KDM4C: variants seen among roughly 807,000 people sequenced by gnomAD.
KDM4C encodes the protein lysine demethylase 4C, also known as lysine-specific demethylase 4C.
In KDM4C, 81 loss-of-function variants were observed where a neutral mutation model predicts 129.3. The observed-to-expected ratio is 0.63, with a 90% CI of 0.52 to 0.75. The LOEUF (loss-of-function observed/expected upper bound fraction) is 0.75, where lower values mean the gene tolerates loss of function less well. Ranked by LOEUF, KDM4C falls within the 30% of genes least tolerant of loss-of-function variation. The pLI is 0.00. For missense variants in KDM4C, 1,457 were observed against 1,304.0 expected, an observed-to-expected ratio of 1.12 and a Z score of -1.81; for synonymous variants, 573 against 456.1, an observed-to-expected ratio of 1.26 and a Z score of -3.26.
chr9:7,048,975 G>T, intron 16 of KDM4C, 117 bp from the exon 17 acceptor site: 10 of 603,840 alleles, frequency 1.7e-5, no homozygotes, highest in Admixed American at 2.6e-5. Context: ...GATGGATTTA[G>T]GCTTTTGGCT....
chr9:6,989,388 CT>C (rs749090237), intron 11 of KDM4C, among the ~76,000 whole-genome samples: 3 of 152,132 alleles, frequency 2.0e-5, no homozygotes, highest in African/African-American at 2.4e-5. Context: ...TCCCTTCCCC[CT>C]GCCTTTAAAA....
chr9:6,863,534 C>A (rs981053794), intron 5 of KDM4C, among the ~76,000 whole-genome samples: 1 of 152,024 alleles, frequency 6.6e-6, no homozygotes, highest in Non-Finnish European at 1.5e-5. Context: ...CCATGGCTCA[C>A]GGCTGTAATC....
At chr9:6,785,453 C>T (rs1377355142) in intron 1 of KDM4C, among the ~76,000 whole-genome samples, 2 of 152,100 alleles carry the variant, frequency 1.3e-5, no homozygotes, top group African/African-American at 4.8e-5. Flanking sequence ...TCTTCTGCCT[C>T]AGCCTCCCCA....
chr9:7,153,387 G>T (rs1020879778), intron 19 of KDM4C, among the ~76,000 whole-genome samples: 3 of 152,148 alleles, frequency 2.0e-5, no homozygotes, highest in African/African-American at 4.8e-5. Flanking sequence ...CCATTCCTCC[G>T]GTGCTTGGTG....
chr9:7,146,835 C>T (rs1377234499), intron 19 of KDM4C, among the ~76,000 whole-genome samples: 3 of 152,188 alleles, frequency 2.0e-5, no homozygotes, highest in Admixed American at 1.3e-4. Context: ...ATGAGGATAA[C>T]AAACACGATT....
At chr9:6,867,670 A>G (rs1480876146) in intron 5 of KDM4C, among the ~76,000 whole-genome samples, 2 of 152,062 alleles carry the variant, frequency 1.3e-5, no homozygotes, top group East Asian at 1.9e-4. Context: ...GTAATTTATG[A>G]TTTTATATGT....
At chr9:6,961,845 T>C (rs1394662902) in intron 8 of KDM4C, among the ~76,000 whole-genome samples, 1 of 152,224 alleles carries the variant, frequency 6.6e-6, no homozygotes, top group East Asian at 1.9e-4. Flanking sequence ...TGCCATCATT[T>C]TAAAGCTTTT....
chr9:7,134,456 A>G (rs1840979413), intron 19 of KDM4C, among the ~76,000 whole-genome samples: 1 of 152,332 alleles, frequency 6.6e-6, no homozygotes, highest in Middle Eastern at 3.4e-3. Context: ...CGTTATGTTT[A>G]TGTAGCCAAA....
chr9:7,145,338 CT>C, intron 19 of KDM4C, among the ~76,000 whole-genome samples: 1 of 152,188 alleles, frequency 6.6e-6, no homozygotes, highest in Non-Finnish European at 1.5e-5. Context: ...CTTGCCCATA[CT>C]TCTAATGAGA....
At chr9:6,727,997 G>A (rs560984953) in intron 1 of KDM4C, among the ~76,000 whole-genome samples, 2 of 133,472 alleles carry the variant, frequency 1.5e-5, no homozygotes, top group African/African-American at 2.9e-5. Context: ...CAATAAGACC[G>A]TTTAAGTGTG....
At chr9:6,995,343 A>T (rs1214726167) in intron 12 of KDM4C, among the ~76,000 whole-genome samples, 1 of 151,922 alleles carries the variant, frequency 6.6e-6, no homozygotes, top group Non-Finnish European at 1.5e-5. Context: ...ACACAGACAC[A>T]CAGGCACAGA....
intron 15 of KDM4C, among the ~76,000 whole-genome samples, chr9:7,029,104 T>C (rs1826297131): frequency 6.6e-6 from 1 of 152,244 alleles, no homozygotes; most frequent in Non-Finnish European, 1.5e-5. Flanking sequence ...TGGAGCCTTC[T>C]ATTTGGCCAT....
intron 19 of KDM4C, among the ~76,000 whole-genome samples, chr9:7,153,003 G>A (rs1330822507): frequency 6.6e-6 from 1 of 152,198 alleles, no homozygotes; most frequent in African/African-American, 2.4e-5. Flanking sequence ...ACTTGTGATA[G>A]AAATATGAGG....
intron 5 of KDM4C, among the ~76,000 whole-genome samples, chr9:6,862,601 G>A (rs1273886112): frequency 3.9e-5 from 6 of 152,028 alleles, no homozygotes; most frequent in Non-Finnish European, 8.8e-5. Context: ...TCAGGAGTTC[G>A]AGACCAGCCT....
At chr9:6,981,166 C>T (rs1418575991) in intron 9 of KDM4C, 48 bp downstream of exon 9, 2 of 1,482,726 alleles carry the variant, frequency 1.3e-6, no homozygotes, top group South Asian at 1.3e-5. Context: ...CGTGTTTTCT[C>T]AGTTAAAATG....
intron 19 of KDM4C, among the ~76,000 whole-genome samples, chr9:7,164,502 C>A (rs1556099): frequency 0.74 from 112,666 of 151,942 alleles, 42,829 homozygotes; most frequent in African/African-American, 0.86. Flanking sequence ...AAGGTGGGCT[C>A]GTCAATTAAC....
intron 5 of KDM4C, among the ~76,000 whole-genome samples, chr9:6,857,755 CTT>C (rs34529562): frequency 3.3e-4 from 45 of 135,360 alleles, no homozygotes; most frequent in Admixed American, 4.5e-4. Flanking sequence ...GCCAGCTGTA[CTT>C]TTTTTTTTTT....
intron 8 of KDM4C, among the ~76,000 whole-genome samples, chr9:6,924,338 C>T (rs1176886467): frequency 6.6e-6 from 1 of 152,108 alleles, no homozygotes; most frequent in Non-Finnish European, 1.5e-5. Flanking sequence ...CCTGTCTGCC[C>T]AGGGTTGCAG....
At position 6,889,252 on chromosome 9, in the gene KDM4C, G is replaced by GTGT. The variant is rs747649175; in HGVS notation, c.783+1189_783+1190insTGT. 9.2e-3 allele frequency among the ~76,000 whole-genome samples: 690 copies of GTGT among 75,002 alleles called. 19 individuals are homozygous for GTGT. The highest frequency in any genetic ancestry group is 0.026 in the Admixed American group (203 of 7,804). The allele number at this position is 75,002 out of a possible 152,430, so 49.2% of individuals were successfully genotyped here. A position where few individuals can be genotyped will look rare whatever the true frequency, so the allele number is the denominator to read the frequency against. ...GTGTGTGTGTGTGTGTGTGTGTGTG[G>GTGT]GAGGGTGGGGGGGATTTGTTCAAAG... On this transcript the variant is annotated intron_variant, in intron 7 of 21. Coordinates refer to ENST00000381309, the MANE Select transcript of KDM4C (RefSeq NM_015061.6).
Sources: allele counts gnomAD v4.1 joint callset (sites outside exome capture counted in the v4.1 genomes callset), GRCh38; gene constraint gnomAD v4.1.1; transcripts MANE v1.5; gene names NCBI Gene and HGNC (gene_info 2026-07-23, HGNC 2026-07-21).